AP3B1: variants seen among roughly 807,000 people sequenced by gnomAD.
The protein encoded by AP3B1 is AP-3 complex subunit beta-1.
A neutral mutation model predicts 132.5 loss-of-function variants in AP3B1; 61 were observed. The ratio of observed to expected loss-of-function variants is 0.46; its 90% CI spans 0.37 to 0.57. The LOEUF (loss-of-function observed/expected upper bound fraction) is 0.57. Among genes scored for constraint, AP3B1 ranks in the 20% least tolerant of loss-of-function variants. AP3B1 has a pLI of 0.00. For missense variants in AP3B1, 1,120 were observed against 1,289.4 expected, an observed-to-expected ratio of 0.87 and a Z score of 2.01; for synonymous variants, 388 against 438.3, an observed-to-expected ratio of 0.89 and a Z score of 1.43.
chr5:78,193,880 G>A (rs553413229), intron 7 of AP3B1, among the ~76,000 whole-genome samples: 3 of 149,928 alleles, frequency 2.0e-5, no homozygotes, highest in African/African-American at 4.9e-5. Flanking sequence ...TCAGCCTCCC[G>A]AGTAGCTGGG....
intron 1 of AP3B1, among the ~76,000 whole-genome samples, chr5:78,290,687 G>A (rs902622447): frequency 5.3e-5 from 8 of 152,122 alleles, no homozygotes; most frequent in African/African-American, 7.2e-5. Context: ...AGTGGTACAC[G>A]CCTCCAATTC....
chr5:78,206,847 C>A (rs146390327), intron 7 of AP3B1, among the ~76,000 whole-genome samples: 9 of 152,188 alleles, frequency 5.9e-5, no homozygotes, highest in African/African-American at 2.2e-4. Flanking sequence ...TGTGGCCTAG[C>A]ATAGTGGCTC....
chr5:78,097,598 A>T (rs1413465881), intron 21 of AP3B1, among the ~76,000 whole-genome samples: 1 of 117,830 alleles, frequency 8.5e-6, no homozygotes. Context: ...CCCGTCCGGG[A>T]GGGAGGTGGG....
chr5:78,082,734 C>A (rs1727435831), intron 22 of AP3B1, among the ~76,000 whole-genome samples: 1 of 152,082 alleles, frequency 6.6e-6, no homozygotes, highest in African/African-American at 2.4e-5. Flanking sequence ...CCACAGAAAA[C>A]CTCTGACTTG....
At chr5:78,248,316 C>A (rs1233195331) in intron 2 of AP3B1, among the ~76,000 whole-genome samples, 3 of 151,490 alleles carry the variant, frequency 2.0e-5, no homozygotes, top group Non-Finnish European at 4.4e-5. Context: ...ATGGTGAAAC[C>A]CCATCTCTAC....
At chr5:78,162,779 A>G (rs1743439012) in intron 13 of AP3B1, 40 bp downstream of exon 13, 5 of 1,608,702 alleles carry the variant, frequency 3.1e-6, no homozygotes, top group Non-Finnish European at 3.4e-6. Flanking sequence ...GAATATTCAA[A>G]TTTAAATCAC....
intron 9 of AP3B1, among the ~76,000 whole-genome samples, chr5:78,176,197 C>A (rs542542315): frequency 3.3e-4 from 50 of 152,224 alleles, no homozygotes; most frequent in Admixed American, 2.4e-3. Flanking sequence ...TTAAATAACT[C>A]ATTCTTCCCA....
intron 3 of AP3B1, among the ~76,000 whole-genome samples, chr5:78,234,559 A>G (rs142984879): frequency 2.0e-5 from 3 of 152,344 alleles, no homozygotes; most frequent in Admixed American, 2.0e-4. Context: ...TATCAAATAT[A>G]TATCAATATA....
chr5:78,054,591 C>T (rs942575742), intron 22 of AP3B1, among the ~76,000 whole-genome samples: 3 of 152,138 alleles, frequency 2.0e-5, no homozygotes, highest in Admixed American at 1.3e-4. Context: ...AATGGAGATT[C>T]CCAGAGAAAA....
chr5:78,178,357 T>C (rs1214519789), intron 8 of AP3B1, among the ~76,000 whole-genome samples: 1 of 152,180 alleles, frequency 6.6e-6, no homozygotes, highest in Non-Finnish European at 1.5e-5. Flanking sequence ...GCACAGTGGC[T>C]CACGCCTGTA....
chr5:78,115,760 C>T (rs1165138528), intron 18 of AP3B1, among the ~76,000 whole-genome samples: 1 of 152,046 alleles, frequency 6.6e-6, no homozygotes, highest in Non-Finnish European at 1.5e-5. Flanking sequence ...ATAAAATAAA[C>T]TTTACGTTTT....
intron 22 of AP3B1, among the ~76,000 whole-genome samples, chr5:78,057,308 A>G (rs1489505084): frequency 6.6e-6 from 1 of 152,196 alleles, no homozygotes; most frequent in Non-Finnish European, 1.5e-5. Context: ...TTAGTCCACT[A>G]GGAGACAGCA....
At chr5:78,162,988 A>C (rs1561449633) in intron 12 of AP3B1, 37 bp from the exon 13 acceptor site, 2 of 1,597,860 alleles carry the variant, frequency 1.3e-6, no homozygotes, top group Non-Finnish European at 1.7e-6. Context: ...ACACACTGGT[A>C]TTATTGAGTT....
At chr5:78,010,454 T>A (rs1257888774) in intron 26 of AP3B1, among the ~76,000 whole-genome samples, 6 of 152,184 alleles carry the variant, frequency 3.9e-5, no homozygotes, top group Non-Finnish European at 2.9e-5. Context: ...TCACACATGA[T>A]TTTTTTGTAC....
intron 21 of AP3B1, among the ~76,000 whole-genome samples, chr5:78,097,221 G>A (rs1337786354): frequency 2.2e-4 from 26 of 117,098 alleles, no homozygotes; most frequent in East Asian, 2.6e-4. Flanking sequence ...CAGCCACCCC[G>A]TCCGGGAGGG....
At position 78,072,120 on chromosome 5, in the gene AP3B1, GAT is replaced by G. The variant is rs201344140; in HGVS notation, c.2577+17271_2577+17272del. On this transcript the variant is annotated intron_variant, in intron 22 of 26. Transcript: ENST00000255194. ...AAATGTATACAGGAGCAGGGACACT[GAT>G]ATGATGAACAACTAGATACTGAGCA... Among the ~76,000 whole-genome samples, 1,009 of 152,262 alleles carry G rather than the reference GAT, an allele frequency of 6.6e-3. 10 individuals are homozygous for G. Among genetic ancestry groups the G allele is most frequent in the African/African-American group, 0.023 (956 of 41,530 alleles).
At position 78,277,886 on chromosome 5, in the gene AP3B1, G is replaced by A. The variant is rs557909851; in HGVS notation, c.129-10291C>T. On this transcript the variant is annotated intron_variant, in intron 1 of 26. Transcript: ENST00000255194. ...CCATGTCTTCATATCATTCATATGC[G>A]TATTAAAAGCCATGATGTCATACAG... Among the ~76,000 whole-genome samples, 7 of 152,148 alleles carry A rather than the reference G, an allele frequency of 4.6e-5. No individual in the cohort carries two copies. In the East Asian group the frequency reaches 5.8e-4, roughly 13 times the overall value.
chr5:78,035,637 C>T (rs1010563571), intron 23 of AP3B1, among the ~76,000 whole-genome samples: 2 of 151,892 alleles, frequency 1.3e-5, no homozygotes, highest in African/African-American at 4.8e-5. Flanking sequence ...TTTTAAAATG[C>T]TATTTGTTAG....
chr5:78,166,337 T>C (rs80213243), intron 11 of AP3B1, among the ~76,000 whole-genome samples: 4,879 of 152,272 alleles, frequency 0.032, 262 homozygotes, highest in African/African-American at 0.11. Context: ...TACAAACTTA[T>C]AATTTATATC....
Sources: allele counts gnomAD v4.1 joint callset (sites outside exome capture counted in the v4.1 genomes callset), GRCh38; gene constraint gnomAD v4.1.1; transcripts MANE v1.5; gene names NCBI Gene and HGNC (gene_info 2026-07-23, HGNC 2026-07-21).